The following SLC25A41 variants were observed in gnomAD, a reference collection of about 807,000 sequenced individuals.
The protein encoded by SLC25A41 is mitochondrial carrier protein SCaMC-3L.
A neutral mutation model predicts 34.7 loss-of-function variants in SLC25A41; 35 were observed. The observed-to-expected ratio is 1.01, with a 90% CI of 0.77 to 1.34. The LOEUF is 1.34. SLC25A41 is among the 40% of genes most tolerant of loss of function. The probability of loss-of-function intolerance (pLI) is 0.00; values close to 1 mark genes in which losing one functional copy is unlikely to be tolerated. For missense variants in SLC25A41, 492 were observed against 489.8 expected, an observed-to-expected ratio of 1.00 and a Z score of -0.04; for synonymous variants, 190 against 209.9, an observed-to-expected ratio of 0.91 and a Z score of 0.82.
At chr19:6,428,647 G>A (rs995612899) in intron 4 of SLC25A41, among the ~76,000 whole-genome samples, 2 of 146,104 alleles carry the variant, frequency 1.4e-5, no homozygotes, top group African/African-American at 2.5e-5. Context: ...CATGTTATAT[G>A]TACTATATAT....
rs1555730083 is a variant in SLC25A41 at position 6,429,065 on chromosome 19, T to TATATATAAC, written c.624+658_624+659insGTTATATAT. On this transcript the variant is annotated intron_variant, in intron 4 of 6. Transcript: ENST00000321510. ...ATATATATATTATATATATGTTATATATATATATAATATATATATTATATA... is the reference window on the plus strand; with the variant it reads ...ATATATATATTATATATATGTTATATATATATAACATATATATAATATATATATTATATA... 6.4e-5 allele frequency among the ~76,000 whole-genome samples: 2 copies of TATATATAAC among 31,302 alleles called. 1 individual carries two copies. Among genetic ancestry groups the TATATATAAC allele is most frequent in the Non-Finnish European group, 1.2e-4 (2 of 16,570 alleles). 20.5% of individuals were successfully genotyped at this position (31,302 alleles called of 152,430 possible). A position where few individuals can be genotyped will look rare whatever the true frequency, so the allele number is the denominator to read the frequency against.
Position 6,430,035 on chromosome 19 carries a change from C to T in SLC25A41, c.490G>A (p.Ala164Thr), listed in dbSNP as rs1423969505. The change falls in exon 3 of 7, where the codon GCC becomes ACC. Residue 164 changes from alanine to threonine, a missense_variant. Coordinates refer to ENST00000321510, the MANE Select transcript of SLC25A41 (RefSeq NM_173637.4). ...INVLKIAPEYAIKFSVFEQCK... is the reference protein window; with the variant it reads ...INVLKIAPEYTIKFSVFEQCK... ...TGCTCGAATACGGAGAACTTGATGGCATACTCAGGAGCAATCTTGAGCACG... is the reference window on the plus strand; with the variant it reads ...TGCTCGAATACGGAGAACTTGATGGTATACTCAGGAGCAATCTTGAGCACG... The T allele has an allele frequency of 1.2e-6, 2 of 1,612,350 alleles. No homozygotes were observed. The highest frequency in any genetic ancestry group is 2.7e-5 in the African/African-American group (2 of 74,892).
intron 2 of SLC25A41, chr19:6,430,690 G>A: frequency 4.8e-6 from 1 of 209,548 alleles, no homozygotes; most frequent in Non-Finnish European, 9.9e-6. Flanking sequence ...GGTTTGCCAT[G>A]TTGGCCAGGC....
chr19:6,429,860 G>C (rs1280062805), intron 3 of SLC25A41, 29 bp from the exon 4 acceptor site: 16 of 1,603,244 alleles, frequency 1.0e-5, no homozygotes, highest in Non-Finnish European at 1.4e-5. Flanking sequence ...GGGTGAGAGA[G>C]AAGTCAGCCA....
At chr19:6,430,716 G>C (rs1276513206) in intron 2 of SLC25A41, 1 of 181,318 alleles carries the variant, frequency 5.5e-6, no homozygotes, top group Non-Finnish European at 1.2e-5. Context: ...TGGAACTCCT[G>C]ACCTCAGGTG....
upstream of SLC25A41, among the ~76,000 whole-genome samples, chr19:6,434,004 C>G (rs1048575444): frequency 6.6e-6 from 1 of 152,122 alleles, no homozygotes; most frequent in East Asian, 1.9e-4. Flanking sequence ...AGTGCAGTGG[C>G]GCTATCTTGG....
At chr19:6,430,559 C>A in intron 2 of SLC25A41, 1 of 377,654 alleles carries the variant, frequency 2.6e-6, no homozygotes, top group Non-Finnish European at 5.1e-6. Flanking sequence ...GGGATCTCGG[C>A]TCACTGCAAC....
chr19:6,431,508 C>T (rs974902178), intron 2 of SLC25A41, among the ~76,000 whole-genome samples: 2 of 150,944 alleles, frequency 1.3e-5, no homozygotes, highest in East Asian at 2.0e-4. Flanking sequence ...GATGCAATCT[C>T]GGCTCACTGC....
chr19:6,431,803 C>T (rs901925715), intron 2 of SLC25A41, among the ~76,000 whole-genome samples: 2 of 152,110 alleles, frequency 1.3e-5, no homozygotes, highest in African/African-American at 4.8e-5. Context: ...CTCCAACCCC[C>T]ACCTTGGCCC....
rs1011136806 is a variant in SLC25A41 at position 6,427,858 on chromosome 19, G to A, written c.625-357C>T. Among the ~76,000 whole-genome samples the A allele has an allele frequency of 6.6e-6, 1 of 152,046 alleles. No homozygotes were observed. The highest frequency in any genetic ancestry group is 1.5e-5 in the Non-Finnish European group (1 of 68,004). On this transcript the variant is annotated intron_variant, in intron 4 of 6. Transcript: ENST00000321510. The surrounding 1 kb of genome is among the most constrained non-coding windows in gnomAD (Gnocchi z 4.9). ...AATAAAATAAAAATAAGATGTATAT[G>A]GAAACATCAACATGGGAGAACAGCC...
chr19:6,432,600 G>A (rs1335804574), intron 1 of SLC25A41, among the ~76,000 whole-genome samples: 1 of 119,394 alleles, frequency 8.4e-6, no homozygotes, highest in Non-Finnish European at 1.8e-5. Context: ...TTTTGTTTTT[G>A]TTTTTTTTTA....
At chr19:6,429,373 A>G (rs1448917497) in intron 4 of SLC25A41, among the ~76,000 whole-genome samples, 3 of 156 alleles carry the variant, frequency 0.019, no homozygotes, top group Non-Finnish European at 0.025. Flanking sequence ...GAGGAGGGAG[A>G]AAGGAAAGGA....
intron 1 of SLC25A41, 114 bp from the exon 2 acceptor site, chr19:6,432,318 A>AT (rs374854148): frequency 0.054 from 50,528 of 932,988 alleles, 39 homozygotes; most frequent in South Asian, 0.088. Context: ...CCAAGTCTGC[A>AT]TTTTTTTTTT....
intron 2 of SLC25A41, among the ~76,000 whole-genome samples, chr19:6,430,845 G>T (rs1276032285): frequency 6.6e-6 from 1 of 151,918 alleles, no homozygotes; most frequent in African/African-American, 2.4e-5. Flanking sequence ...ACAGGATCTT[G>T]TTCTGTTGCC....
intron 2 of SLC25A41, 93 bp downstream of exon 2, chr19:6,431,943 CACTCCTATCCTGA>C (rs2092287099): frequency 1.5e-6 from 2 of 1,369,858 alleles, no homozygotes; most frequent in African/African-American, 1.5e-5. Flanking sequence ...CTCCAGCCAG[CACTCCTATCCTGA>C]ACTCCATCCA....
rs367832816 is a variant in SLC25A41 at position 6,430,040 on chromosome 19, T to G, written c.485A>C (p.Glu162Ala). ...NGINVLKIAP[E>A]YAIKFSVFEQ... ...GAATACGGAGAACTTGATGGCATAC[T>G]CAGGAGCAATCTTGAGCACGTTGAT... Residue 162 changes from glutamate (E) to alanine (A), a missense_variant, in exon 3 of 7, where the codon GAG (glutamate) becomes GCG (alanine). Physicochemically the swap from Glu to Ala is moderately radical, Grantham distance 107 (BLOSUM62 -1). Transcript: ENST00000321510. 3.1e-5 allele frequency: 50 copies of G among 1,612,376 alleles called. No homozygotes were observed. Among genetic ancestry groups the G allele is most frequent in the Non-Finnish European group, 4.2e-5 (50 of 1,179,280 alleles).
At position 6,426,175 on chromosome 19, in the gene SLC25A41, A is replaced by C. The variant is rs376957719; in HGVS notation, c.*214T>G. The C allele has an allele frequency of 9.7e-3, 5,176 of 534,006 alleles. 61 individuals are homozygous for C. The highest frequency in any genetic ancestry group is 0.024 in the South Asian group (860 of 35,418). The allele number at this position is 534,006 out of a possible 1,614,324, so 33.1% of individuals were successfully genotyped here. A position where few individuals can be genotyped will look rare whatever the true frequency, so the allele number is the denominator to read the frequency against. On this transcript the variant is annotated 3_prime_UTR_variant, in exon 7 of 7. Transcript: ENST00000321510. Reference sequence around the variant, plus strand: ...TGCACCCTGGGGAGGGAGTCCCAGGAGTTTTCTGACCCAGCACTGCCCCCC... The same window carrying C: ...TGCACCCTGGGGAGGGAGTCCCAGGCGTTTTCTGACCCAGCACTGCCCCCC...
upstream of SLC25A41, chr19:6,436,008 G>A (rs2092310102): frequency 1.8e-5 from 3 of 163,788 alleles, no homozygotes; most frequent in Admixed American, 1.8e-4. Flanking sequence ...GGAGGGGACA[G>A]AGTGAAACCC....
intron 6 of SLC25A41, among the ~76,000 whole-genome samples, chr19:6,426,895 C>T (rs1344687807): frequency 2.0e-5 from 3 of 152,160 alleles, no homozygotes. Context: ...GCCTCAGCCT[C>T]CCAAGTAGCT....
Sources: allele counts gnomAD v4.1 joint callset (sites outside exome capture counted in the v4.1 genomes callset), GRCh38; gene constraint gnomAD v4.1.1; non-coding constraint Gnocchi (gnomAD v3.1); transcripts MANE v1.5; gene names NCBI Gene and HGNC (gene_info 2026-07-23, HGNC 2026-07-21).